PRKAG2: variants seen among roughly 807,000 people sequenced by gnomAD.
The protein encoded by PRKAG2 is protein kinase AMP-activated non-catalytic subunit gamma 2.
In PRKAG2, 26 loss-of-function variants were observed where a neutral mutation model predicts 69.6. That is an observed-to-expected ratio of 0.37 (90% CI 0.27 to 0.52). PRKAG2 has a LOEUF of 0.52. PRKAG2 is among the 20% of genes least tolerant of loss of function. The pLI is 0.90. For missense variants in PRKAG2, 557 were observed against 740.0 expected (o/e 0.75, Z 2.87); for synonymous variants, 293 against 285.0 (o/e 1.03, Z -0.28).
At chr7:151,589,331 T>C (rs895573477) in intron 6 of PRKAG2, among the ~76,000 whole-genome samples, 3 of 151,476 alleles carry the variant, frequency 2.0e-5, no homozygotes, top group Non-Finnish European at 4.4e-5. Context: ...CAGGACCCCC[T>C]CTCCTCCACG....
chr7:151,737,695 A>C (rs377632739), intron 3 of PRKAG2, among the ~76,000 whole-genome samples: 1 of 152,186 alleles, frequency 6.6e-6, no homozygotes, highest in Admixed American at 6.5e-5. Flanking sequence ...GCTGCTTTTC[A>C]TGCCTTTTCT....
intron 14 of PRKAG2, among the ~76,000 whole-genome samples, chr7:151,562,695 C>T (rs1311422456): frequency 1.3e-5 from 2 of 152,068 alleles, no homozygotes; most frequent in Non-Finnish European, 2.9e-5. Context: ...TAGCCGGGTG[C>T]GGTGGCTCAT....
intron 3 of PRKAG2, among the ~76,000 whole-genome samples, chr7:151,769,011 C>G (rs1250654084): frequency 1.3e-5 from 2 of 152,218 alleles, no homozygotes; most frequent in African/African-American, 4.8e-5. Context: ...CTCCAAAGCT[C>G]CATGGAGGGT....
intron 4 of PRKAG2, among the ~76,000 whole-genome samples, chr7:151,671,401 G>C (rs1005592549): frequency 1.3e-5 from 2 of 152,124 alleles, no homozygotes; most frequent in African/African-American, 2.4e-5. Flanking sequence ...CCTCCACAGA[G>C]ATTATCCTGG....
intron 6 of PRKAG2, among the ~76,000 whole-genome samples, chr7:151,586,113 C>T (rs186104421): frequency 8.5e-5 from 13 of 152,312 alleles, no homozygotes; most frequent in East Asian, 5.8e-4. Context: ...AAATGGCCCA[C>T]GAGAGGCATC....
chr7:151,589,147 T>C (rs1585074534), intron 6 of PRKAG2, among the ~76,000 whole-genome samples: 1 of 152,376 alleles, frequency 6.6e-6, no homozygotes, highest in African/African-American at 2.4e-5. Context: ...GCAGGGCTCC[T>C]GTCTGCCTGC....
intron 3 of PRKAG2, among the ~76,000 whole-genome samples, chr7:151,755,547 G>A (rs1474285349): frequency 3.9e-5 from 6 of 152,042 alleles, no homozygotes; most frequent in Non-Finnish European, 7.4e-5. Context: ...TGACATGATG[G>A]GATTTATGTT....
chr7:151,767,256 C>G (rs2075783579), intron 3 of PRKAG2, among the ~76,000 whole-genome samples: 1 of 152,178 alleles, frequency 6.6e-6, no homozygotes, highest in Non-Finnish European at 1.5e-5. Context: ...CACCCTGATT[C>G]CAGACTTCCA....
chr7:151,560,454 G>C, intron 15 of PRKAG2, 70 bp downstream of exon 15: 2 of 1,612,872 alleles, frequency 1.2e-6, no homozygotes, highest in Non-Finnish European at 1.7e-6. Context: ...TGGTTTAAAT[G>C]CTGCACTTCC....
At chr7:151,825,809 G>C (rs1412389121) in intron 1 of PRKAG2, among the ~76,000 whole-genome samples, 4 of 152,146 alleles carry the variant, frequency 2.6e-5, no homozygotes, top group African/African-American at 9.7e-5. Context: ...AGACACCAGA[G>C]CATAAAGCTG....
intron 1 of PRKAG2, among the ~76,000 whole-genome samples, chr7:151,841,872 GGTAGTGATA>G (rs1398825811): frequency 4.7e-5 from 7 of 149,372 alleles, no homozygotes; most frequent in African/African-American, 1.5e-4. Flanking sequence ...AGGTAGGGAT[GGTAGTGATA>G]GTAGTGATGG....
intron 1 of PRKAG2, among the ~76,000 whole-genome samples, chr7:151,794,580 C>CTGTGGGG (rs1269959323): frequency 2.0e-5 from 3 of 152,266 alleles, no homozygotes; most frequent in Admixed American, 2.0e-4. Context: ...GCAACAAAGG[C>CTGTGGGG]ATCATCACCA....
chr7:151,816,775 C>T (rs994950245), intron 1 of PRKAG2, among the ~76,000 whole-genome samples: 2 of 152,212 alleles, frequency 1.3e-5, no homozygotes, highest in Non-Finnish European at 2.9e-5. Context: ...CTGGAACTAG[C>T]CTTGCTGGGT....
intron 1 of PRKAG2, chr7:151,809,681 C>G (rs1240178345): frequency 6.3e-6 from 1 of 159,478 alleles, no homozygotes. Context: ...AAGAGCTACC[C>G]ATTTCCTGCC....
chr7:151,707,617 C>T (rs910389581), intron 3 of PRKAG2, among the ~76,000 whole-genome samples: 6 of 152,124 alleles, frequency 3.9e-5, no homozygotes, highest in Admixed American at 2.0e-4. Flanking sequence ...GAAGGTGACT[C>T]AGTTCTCCAA....
At chr7:151,663,928 CG>C (rs1830671607) in intron 4 of PRKAG2, among the ~76,000 whole-genome samples, 1 of 152,198 alleles carries the variant, frequency 6.6e-6, no homozygotes, top group Non-Finnish European at 1.5e-5. Context: ...AGAAATATTT[CG>C]GCTTTGTGAG....
At chr7:151,755,104 C>G (rs774170961) in intron 3 of PRKAG2, among the ~76,000 whole-genome samples, 9 of 152,072 alleles carry the variant, frequency 5.9e-5, no homozygotes, top group Non-Finnish European at 1.2e-4. Flanking sequence ...GAGCGGGGGT[C>G]GGGGGCTGGT....
In PRKAG2 at chr7:151,800,496, T is replaced by C. The variant is rs139887744; in HGVS notation, c.115-13955A>G. The stretch of plus-strand genomic sequence containing the variant: ...AAATTCTGTTCCAGGCCATCCCACC[T>C]CCCAGCACCGCAATGACACTCCTCC... On this transcript the variant is annotated intron_variant, in intron 1 of 15. Transcript: ENST00000287878. Among the ~76,000 whole-genome samples, 8 of 151,830 alleles carry C rather than the reference T, an allele frequency of 5.3e-5. No individual in the cohort carries two copies. In the East Asian group the frequency reaches 1.6e-3, roughly 29 times the overall value.
chr7:151,834,493 T>C (rs2079102748), intron 1 of PRKAG2, among the ~76,000 whole-genome samples: 1 of 119,720 alleles, frequency 8.4e-6, no homozygotes, highest in Non-Finnish European at 1.9e-5. Flanking sequence ...CGTTGTTTGA[T>C]GTGGGTTTCT....
Sources: gnomAD v4.1 joint callset for allele counts (sites outside exome capture counted in the v4.1 genomes callset) on GRCh38, gnomAD v4.1.1 for gene constraint, MANE v1.5 for transcripts, NCBI Gene and HGNC (gene_info 2026-07-23, HGNC 2026-07-21) for gene names.